SLC35D1: variants seen among roughly 807,000 people sequenced by gnomAD.
The protein encoded by SLC35D1 is nucleotide sugar transporter SLC35D1.
SLC35D1 carries 31 observed loss-of-function variants against 46.7 expected under a neutral mutation model. The observed-to-expected ratio is 0.66, with a 90% CI of 0.50 to 0.90. The LOEUF (loss-of-function observed/expected upper bound fraction) is 0.90. SLC35D1 is among the 40% of genes least tolerant of loss of function. The probability of loss-of-function intolerance (pLI) is 0.00; values close to 1 mark genes in which losing one functional copy is unlikely to be tolerated. For missense variants in SLC35D1, 397 were observed against 426.2 expected (o/e 0.93, Z 0.60); for synonymous variants, 195 against 164.6 (o/e 1.18, Z -1.41).
intron 10 of SLC35D1, among the ~76,000 whole-genome samples, chr1:67,018,200 A>C (rs758852235): frequency 2.6e-5 from 4 of 152,174 alleles, no homozygotes; most frequent in Non-Finnish European, 5.9e-5. Flanking sequence ...TTGCCTTAGA[A>C]AGGATTTTCC....
chr1:66,980,684 T>A, the SLC35D1 span, among the ~76,000 whole-genome samples: 538 of 152,264 alleles, frequency 3.5e-3, 3 homozygotes, highest in African/African-American at 0.012. Flanking sequence ...ATAACACAAT[T>A]AGAATTTTAT....
At chr1:67,040,370 T>G (rs896420070) in intron 8 of SLC35D1, among the ~76,000 whole-genome samples, 15 of 152,114 alleles carry the variant, frequency 9.9e-5, no homozygotes, top group African/African-American at 3.6e-4. Context: ...TTGGTCCTAA[T>G]TTAGAAGGAA....
the SLC35D1 span, among the ~76,000 whole-genome samples, chr1:66,983,750 C>G: frequency 2.0e-5 from 3 of 152,068 alleles, no homozygotes; most frequent in Non-Finnish European, 2.9e-5. Flanking sequence ...CTTTTTGAGA[C>G]AGAGTCTCGC....
intron 8 of SLC35D1, 78 bp downstream of exon 8, chr1:67,042,158 A>T: frequency 1.5e-6 from 2 of 1,355,592 alleles, no homozygotes; most frequent in Non-Finnish European, 2.1e-6. Context: ...CTTTTGAACA[A>T]CAAAGCCTAT....
chr1:66,986,504 A>G, the SLC35D1 span: 21 of 1,481,094 alleles, frequency 1.4e-5, no homozygotes, highest in African/African-American at 5.5e-5. Flanking sequence ...TAATGGCTCA[A>G]CTGTCTGATG....
At chr1:66,985,806 A>C in the SLC35D1 span, 1 of 783,844 alleles carries the variant, frequency 1.3e-6, no homozygotes, top group Non-Finnish European at 1.5e-6. Flanking sequence ...TTCATAAAGG[A>C]TTATAAAATT....
chr1:67,049,951 C>T (rs1050259632), intron 5 of SLC35D1, 101 bp from the exon 6 acceptor site: 2 of 853,164 alleles, frequency 2.3e-6, no homozygotes, highest in Non-Finnish European at 3.9e-6. Flanking sequence ...AAGCTATAAA[C>T]AATCGTATTT....
Position 67,054,022 on chromosome 1 carries a change from C to G in SLC35D1, c.-9G>C. 6.2e-7 allele frequency: 1 copy of G among 1,607,710 alleles called. No homozygotes were observed. Among genetic ancestry groups the G allele is most frequent in the East Asian group, 2.2e-5 (1 of 44,656 alleles). ...CTATGAACTTCCGCCATGGCTGCCG[C>G]AGCAGCGGTGGCCTGGCGGCGGGGC... is the stretch of plus-strand genomic sequence containing the variant. On this transcript the variant is annotated 5_prime_UTR_variant, in exon 1 of 12. Transcript: ENST00000235345.
intron 10 of SLC35D1, among the ~76,000 whole-genome samples, chr1:67,013,171 C>CATATGTATATATATATATATATATATATA (rs1484938863): frequency 3.4e-4 from 2 of 5,880 alleles, no homozygotes; most frequent in Non-Finnish European, 3.2e-4. Context: ...TATATATATC[C>CATATGTATATATATATATATATATATATA]TGTTCTTAAA....
downstream of SLC35D1, among the ~76,000 whole-genome samples, chr1:66,995,008 T>C (rs751824044): frequency 1.3e-5 from 2 of 150,594 alleles, no homozygotes; most frequent in Admixed American, 6.6e-5. Flanking sequence ...ATAACTCAAA[T>C]CCCTTTTCTT....
At chr1:66,991,191 T>C in the SLC35D1 span, among the ~76,000 whole-genome samples, 13 of 152,218 alleles carry the variant, frequency 8.5e-5, no homozygotes, top group African/African-American at 2.7e-4. Flanking sequence ...GCTCCGACTC[T>C]AGGATTTTTG....
chr1:66,992,738 A>T, the SLC35D1 span, among the ~76,000 whole-genome samples: 2 of 152,256 alleles, frequency 1.3e-5, no homozygotes, highest in African/African-American at 4.8e-5. Context: ...TTAGGCAGGT[A>T]GGTCTTCATC....
At chr1:66,995,478 A>C (rs1444881052), downstream of SLC35D1, among the ~76,000 whole-genome samples, 17 of 107,414 alleles carry the variant, frequency 1.6e-4, no homozygotes, top group African/African-American at 2.8e-4. Flanking sequence ...AAAAAAAAAA[A>C]AAAACAGACC....
rs1242917890 is a variant in SLC35D1, at chr1:67,034,893, TG to T, written c.729+7342del. Among the ~76,000 whole-genome samples, 4 of 152,210 alleles carry T rather than the reference TG, an allele frequency of 2.6e-5. No homozygotes were observed. In the East Asian group the frequency reaches 5.8e-4, roughly 22 times the overall value. ...TGAAGGGATTTTGAATTTTATCAAA[TG>T]TTTTTTCCACCATCAATCAATCGAA... On this transcript the variant is annotated intron_variant, in intron 8 of 11. Transcript: ENST00000235345.
At chr1:67,024,762 T>A (rs1667883755) in intron 8 of SLC35D1, among the ~76,000 whole-genome samples, 1 of 152,104 alleles carries the variant, frequency 6.6e-6, no homozygotes, top group South Asian at 2.1e-4. Flanking sequence ...ACCTTTTTTT[T>A]AAGCAAGGTC....
intron 3 of SLC35D1, among the ~76,000 whole-genome samples, chr1:67,052,286 G>A (rs1023743233): frequency 2.0e-5 from 3 of 152,110 alleles, no homozygotes; most frequent in Non-Finnish European, 2.9e-5. Flanking sequence ...AAGAAAGGGA[G>A]GAAGGCAGGG....
chr1:67,042,339 A>G lies in SLC35D1; in HGVS notation c.637-11T>C, dbSNP rs761687260. On this transcript the variant is annotated splice_polypyrimidine_tract_variant and intron_variant, in intron 7 of 11. Transcript: ENST00000235345. Reference sequence around the variant, plus strand: ...ATATTTTCCCAGCTCCTAGGACAGTAAATAATTAGGTGTTTCATCTGCGTT... The same window carrying G: ...ATATTTTCCCAGCTCCTAGGACAGTGAATAATTAGGTGTTTCATCTGCGTT... 4.3e-6 allele frequency: 7 copies of G among 1,612,184 alleles called. No homozygotes were observed. In the Admixed American group the frequency reaches 1.0e-4, roughly 23 times the overall value.
chr1:67,021,658 C>A, intron 8 of SLC35D1, 56 bp from the exon 9 acceptor site: 1 of 1,549,772 alleles, frequency 6.5e-7, no homozygotes, highest in Non-Finnish European at 8.8e-7. Flanking sequence ...ATCAGCTATC[C>A]CGTTTTAATG....
At chr1:67,019,978 T>C (rs1192572189) in intron 10 of SLC35D1, among the ~76,000 whole-genome samples, 1 of 152,056 alleles carries the variant, frequency 6.6e-6, no homozygotes, top group African/African-American at 2.4e-5. Context: ...CCAATTAGCT[T>C]CTGGCCAGCA....
Sources: gnomAD v4.1 joint callset for allele counts (sites outside exome capture counted in the v4.1 genomes callset) on GRCh38, gnomAD v4.1.1 for gene constraint, MANE v1.5 for transcripts, NCBI Gene and HGNC (gene_info 2026-07-23, HGNC 2026-07-21) for gene names.